Variants in SLC26A8 observed in about 807,000 individuals in gnomAD.
SLC26A8 encodes the protein solute carrier family 26 member 8.
In SLC26A8, 70 loss-of-function variants were observed where a neutral mutation model predicts 105.0. The observed-to-expected ratio is 0.67, with a 90% CI of 0.55 to 0.81. The LOEUF is 0.81. Among genes scored for constraint, SLC26A8 ranks in the 40% least tolerant of loss-of-function variants. The pLI, the probability that SLC26A8 is intolerant of heterozygous loss-of-function variation, is 0.00. For missense variants in SLC26A8, 998 were observed against 1,181.8 expected (o/e 0.84, Z 2.28); for synonymous variants, 415 against 438.3 (o/e 0.95, Z 0.66).
rs575345356 is a variant in SLC26A8 at position 36,011,769 on chromosome 6, C to T, written c.328+464G>A. 2.8e-4 allele frequency among the ~76,000 whole-genome samples: 42 copies of T among 152,128 alleles called. 1 individual carries two copies. The highest frequency in any genetic ancestry group is 8.4e-4 in the African/African-American group (35 of 41,504). ...ACTACAGGCACACGTTACCAGGCCC[C>T]GCTAATTTTTGTATTTTTTTGTAGA... On this transcript the variant is annotated intron_variant, in intron 3 of 19. Transcript: ENST00000490799.
At chr6:35,993,533 G>C (rs1033178703) in intron 5 of SLC26A8, among the ~76,000 whole-genome samples, 1 of 151,652 alleles carries the variant, frequency 6.6e-6, no homozygotes. Context: ...AAATAAAAAA[G>C]GTATTTTACA....
chr6:35,945,498 G>A (rs780018892), intron 19 of SLC26A8, among the ~76,000 whole-genome samples: 4 of 152,032 alleles, frequency 2.6e-5, no homozygotes, highest in Admixed American at 6.6e-5. Context: ...TGTGGTCCCC[G>A]CCCTTTGCTC....
intron 3 of SLC26A8, among the ~76,000 whole-genome samples, chr6:36,000,331 T>C (rs1761485174): frequency 6.6e-6 from 1 of 152,208 alleles, no homozygotes; most frequent in Admixed American, 6.5e-5. Context: ...TTTAATTCAA[T>C]ATCATAGGCT....
At chr6:35,975,881 C>G (rs148027130) in intron 9 of SLC26A8, among the ~76,000 whole-genome samples, 1,943 of 144,380 alleles carry the variant, frequency 0.013, 41 homozygotes, top group African/African-American at 0.048. Flanking sequence ...CCATTGCACT[C>G]CAGCCTGGGC....
chr6:35,977,424 C>T, intron 8 of SLC26A8, 73 bp from the exon 9 acceptor site: 2 of 1,345,888 alleles, frequency 1.5e-6, no homozygotes, highest in Non-Finnish European at 2.0e-6. Context: ...TCTATTCTAA[C>T]ACTGGGCTGT....
chr6:35,970,504 A>G (rs971461659), intron 10 of SLC26A8, among the ~76,000 whole-genome samples: 1 of 152,212 alleles, frequency 6.6e-6, no homozygotes, highest in African/African-American at 2.4e-5. Context: ...TGTGGAACTG[A>G]GACAGGTAAC....
intron 7 of SLC26A8, among the ~76,000 whole-genome samples, chr6:35,982,900 A>G (rs1773336811): frequency 1.3e-5 from 2 of 152,238 alleles, no homozygotes; most frequent in African/African-American, 4.8e-5. Flanking sequence ...ACTTACTTCT[A>G]AAAATGGCAA....
At chr6:35,972,006 G>T (rs1325699443) in intron 10 of SLC26A8, among the ~76,000 whole-genome samples, 1 of 152,320 alleles carries the variant, frequency 6.6e-6, no homozygotes, top group African/African-American at 2.4e-5. Context: ...GGTCAGGCCT[G>T]CCAATGCCTC....
Position 35,963,244 on chromosome 6 carries a change from T to C in SLC26A8, c.1366-623A>G, listed in dbSNP as rs181247054. Among the ~76,000 whole-genome samples the C allele has an allele frequency of 5.9e-5, 9 of 152,274 alleles. No individual in the cohort carries two copies. In the East Asian group the frequency reaches 1.2e-3, roughly 20 times the overall value. Reference sequence around the variant, plus strand: ...CACCTGATGACCATCTGACAGGCCATCCGGAGGCAAAACTCCTTATCTAGG... The same window carrying C: ...CACCTGATGACCATCTGACAGGCCACCCGGAGGCAAAACTCCTTATCTAGG... On this transcript the variant is annotated intron_variant, in intron 11 of 19. Coordinates refer to ENST00000490799, the MANE Select transcript of SLC26A8 (RefSeq NM_052961.4).
At chr6:35,978,357 G>A (rs767808930) in intron 8 of SLC26A8, among the ~76,000 whole-genome samples, 5 of 152,032 alleles carry the variant, frequency 3.3e-5, no homozygotes, top group Non-Finnish European at 7.4e-5. Context: ...GATTTGGGGA[G>A]AGTGGTGTTT....
chr6:35,986,243 A>G (rs1319116815), intron 7 of SLC26A8, among the ~76,000 whole-genome samples: 1 of 152,096 alleles, frequency 6.6e-6, no homozygotes, highest in African/African-American at 2.4e-5. Context: ...CCTGTTGGCC[A>G]GGCTGGTATC....
chr6:36,010,442 G>A (rs1761821880), intron 3 of SLC26A8, among the ~76,000 whole-genome samples: 1 of 151,990 alleles, frequency 6.6e-6, no homozygotes, highest in African/African-American at 2.4e-5. Context: ...TGGGGGGTAT[G>A]TGGCTTAAAA....
Position 35,972,756 on chromosome 6 carries a change from C to T in SLC26A8, c.1287+2619G>A, listed in dbSNP as rs556372687. ...TGAGTGCCATAGGCTACCTTTGAGG[C>T]AGACCTTCTGTTCAACAGGCTAAAA... On this transcript the variant is annotated intron_variant, in intron 10 of 19. Coordinates refer to ENST00000490799, the MANE Select transcript of SLC26A8 (RefSeq NM_052961.4). 7.4e-4 allele frequency among the ~76,000 whole-genome samples: 113 copies of T among 152,336 alleles called. 2 individuals are homozygous for T. Among genetic ancestry groups the T allele is most frequent in the African/African-American group, 2.5e-3 (106 of 41,576 alleles).
At chr6:36,024,434 G>A in intron 1 of SLC26A8, 70 bp downstream of exon 1, 1 of 450,452 alleles carries the variant, frequency 2.2e-6, no homozygotes, top group African/African-American at 2.0e-5. Context: ...GTACCTGCCG[G>A]TGACGGACGC....
intron 11 of SLC26A8, among the ~76,000 whole-genome samples, chr6:35,963,837 C>T (rs1363450152): frequency 6.6e-6 from 1 of 152,192 alleles, no homozygotes; most frequent in East Asian, 1.9e-4. Context: ...CTGGGCTTTT[C>T]TTCATGTTGA....
rs1249874933 is a variant in SLC26A8 at position 35,962,509 on chromosome 6, A to C, written c.1461+17T>G. The C allele has an allele frequency of 6.2e-7, 1 of 1,606,222 alleles. No homozygotes were observed. On this transcript the variant is annotated intron_variant, in intron 12 of 19. Transcript: ENST00000490799. ...CCCTCTGCCCTCCCCTTCCTCAGCC[A>C]GGGCATCTACACTCACACAGTCATA...
intron 5 of SLC26A8, among the ~76,000 whole-genome samples, chr6:35,995,669 ATTT>A (rs3045894): frequency 2.7e-5 from 4 of 149,480 alleles, no homozygotes; most frequent in South Asian, 2.1e-4. Context: ...ACACCCAGCT[ATTT>A]TTTTTTTTTA....
At chr6:35,949,460 C>T (rs1305126323) in intron 19 of SLC26A8, among the ~76,000 whole-genome samples, 1 of 151,738 alleles carries the variant, frequency 6.6e-6, no homozygotes, top group Non-Finnish European at 1.5e-5. Context: ...GATTACCCTT[C>T]AATACCTGTA....
At position 35,944,122 on chromosome 6, in the gene SLC26A8, C is replaced by T. The variant is rs1771578725; in HGVS notation, c.2691G>A (p.Gln897=). The T allele has an allele frequency of 6.2e-7, 1 of 1,614,054 alleles. No individual in the cohort carries two copies. Among genetic ancestry groups the T allele is most frequent in the Non-Finnish European group, 8.5e-7 (1 of 1,180,002 alleles). The part of the protein sequence containing the change: ...EPKAETETKT[Q]TEMEPQPETE... ...TCTCAGGCTGGGGCTCCATCTCGGT[C>T]TGGGTCTTGGTCTCGGTCTCAGCCT... is the stretch of plus-strand genomic sequence containing the variant. The change falls in exon 20 of 20, where the codon CAG becomes CAA. Residue 897 remains glutamine, a synonymous_variant. Transcript: ENST00000490799.
Sources: allele counts gnomAD v4.1 joint callset (sites outside exome capture counted in the v4.1 genomes callset), GRCh38; gene constraint gnomAD v4.1.1; transcripts MANE v1.5; gene names NCBI Gene and HGNC (gene_info 2026-07-23, HGNC 2026-07-21).